RP1: variants seen among roughly 807,000 people sequenced by gnomAD.
RP1 encodes the protein oxygen-regulated protein 1.
RP1 carries 16 observed loss-of-function variants against 14.8 expected under a neutral mutation model. That is an observed-to-expected ratio of 1.08 (90% CI 0.73 to 1.65). The LOEUF is 1.65. Ranked by LOEUF, RP1 falls within the 40% of genes most tolerant of loss-of-function variation. The pLI, the probability that RP1 is intolerant of heterozygous loss-of-function variation, is 0.00. For missense variants in RP1, 2,631 were observed against 2,535.0 expected, an observed-to-expected ratio of 1.04 and a Z score of -0.81; for synonymous variants, 876 against 883.6, an observed-to-expected ratio of 0.99 and a Z score of 0.15.
intron 24 of RP1, among the ~76,000 whole-genome samples, chr8:54,823,894 C>T (rs1811319916): frequency 6.6e-6 from 1 of 152,160 alleles, no homozygotes; most frequent in African/African-American, 2.4e-5. Context: ...ACTATTTTAT[C>T]TCCATCAACA....
At chr8:54,821,993 C>T (rs1811266161) in intron 24 of RP1, among the ~76,000 whole-genome samples, 1 of 152,126 alleles carries the variant, frequency 6.6e-6, no homozygotes, top group South Asian at 2.1e-4. Flanking sequence ...CTTCCATTGG[C>T]TAAGCTGCAA....
At chr8:54,748,706 C>G (rs1809286558) in intron 19 of RP1, among the ~76,000 whole-genome samples, 1 of 152,100 alleles carries the variant, frequency 6.6e-6, no homozygotes, top group Admixed American at 6.5e-5. Context: ...ACATGAGTGC[C>G]CCATCCACCA....
intron 17 of RP1, among the ~76,000 whole-genome samples, chr8:54,731,055 T>A (rs1215310915): frequency 6.6e-6 from 1 of 152,152 alleles, no homozygotes. Flanking sequence ...ATATAGAGGC[T>A]ATAAAATCTG....
In RP1 at chr8:54,790,283, C is replaced by A. The variant is rs143635649; in HGVS notation, c.3615+6573C>A. Among the ~76,000 whole-genome samples the A allele has an allele frequency of 2.6e-5, 4 of 152,298 alleles. No homozygotes were observed. In the East Asian group the frequency reaches 7.7e-4, roughly 29 times the overall value. ...GACCTTAACAGAAAGCATAACCTAC[C>A]TGTGAATGCTACCAGCTGGTCTGTC... On this transcript the variant is annotated intron_variant, in intron 24 of 28. Transcript: ENST00000637698.
intron 19 of RP1, among the ~76,000 whole-genome samples, chr8:54,745,231 T>C (rs994198700): frequency 1.3e-5 from 2 of 152,182 alleles, no homozygotes; most frequent in African/African-American, 2.4e-5. Context: ...AAATGGCACA[T>C]GCTGTCTCTA....
At chr8:54,613,441 G>T (rs539970643), upstream of RP1, among the ~76,000 whole-genome samples, 6 of 152,292 alleles carry the variant, frequency 3.9e-5, no homozygotes, top group African/African-American at 1.2e-4. Flanking sequence ...GCAGGCAGAG[G>T]ATCATTCCTT....
At chr8:54,717,805 T>C (rs1388142492) in intron 15 of RP1, among the ~76,000 whole-genome samples, 1 of 152,090 alleles carries the variant, frequency 6.6e-6, no homozygotes, top group Non-Finnish European at 1.5e-5. Flanking sequence ...AAAACTCTCT[T>C]GGCTCACAGA....
At chr8:54,760,904 C>G (rs1174383758) in intron 22 of RP1, among the ~76,000 whole-genome samples, 1 of 152,138 alleles carries the variant, frequency 6.6e-6, no homozygotes, top group Non-Finnish European at 1.5e-5. Context: ...GTACTCAGAA[C>G]TTAGCACAGC....
intron 27 of RP1, among the ~76,000 whole-genome samples, chr8:54,857,715 T>A (rs961875141): frequency 4.6e-5 from 7 of 152,136 alleles, no homozygotes; most frequent in Admixed American, 3.3e-4. Flanking sequence ...CTGTTGTGTC[T>A]GTCCCTGTGT....
intron 7 of RP1, among the ~76,000 whole-genome samples, chr8:54,670,871 C>G (rs1178135899): frequency 6.6e-6 from 1 of 151,100 alleles, no homozygotes; most frequent in Admixed American, 6.6e-5. Flanking sequence ...TCACTTTCAA[C>G]CTATGTATAT....
At chr8:54,575,351 C>T (rs547666450) in intron 1 of RP1, among the ~76,000 whole-genome samples, 6 of 152,060 alleles carry the variant, frequency 3.9e-5, no homozygotes, top group South Asian at 2.1e-4. Flanking sequence ...ACTGGAAGAA[C>T]AAACAATGTC....
intron 22 of RP1, among the ~76,000 whole-genome samples, chr8:54,761,223 C>A (rs761403929): frequency 1.3e-5 from 2 of 148,540 alleles, no homozygotes; most frequent in African/African-American, 2.5e-5. Flanking sequence ...TCATTTCTTG[C>A]GCTACCTTAC....
At chr8:54,751,513 C>G (rs186967722) in intron 19 of RP1, among the ~76,000 whole-genome samples, 1 of 152,170 alleles carries the variant, frequency 6.6e-6, no homozygotes, top group Non-Finnish European at 1.5e-5. Context: ...GTAAAATAAA[C>G]TTTCTTACTT....
At position 54,665,812 on chromosome 8, in the gene RP1, C is replaced by T. The variant is rs375192670; in HGVS notation, c.1323+1962C>T. ...GACTACTGATTGCTTGTTCTGTCAC[C>T]GCCTGGATGCAAGATAATTAAAAAT... On this transcript the variant is annotated intron_variant, in intron 7 of 22. Coordinates refer to the RP1 transcript ENST00000636932. Among the ~76,000 whole-genome samples the T allele has an allele frequency of 5.9e-5, 9 of 152,146 alleles. No homozygotes were observed. In the East Asian group the frequency reaches 1.2e-3, roughly 20 times the overall value.
intron 12 of RP1, among the ~76,000 whole-genome samples, chr8:54,697,571 A>C (rs754381421): frequency 2.0e-5 from 3 of 152,142 alleles, no homozygotes; most frequent in Non-Finnish European, 2.9e-5. Context: ...AAGAAAAGAA[A>C]AGACAGTAGC....
chr8:54,697,046 G>C, intron 12 of RP1: 2 of 1,548,422 alleles, frequency 1.3e-6, no homozygotes, highest in Non-Finnish European at 1.8e-6. Context: ...GGCCCGTCAC[G>C]CTACCAAAAA....
chr8:54,834,357 A>C lies in RP1; in HGVS notation c.3616-3093A>C, dbSNP rs1021068574. Among the ~76,000 whole-genome samples, 4 of 152,216 alleles carry C rather than the reference A, an allele frequency of 2.6e-5. No homozygotes were observed. In the East Asian group the frequency reaches 7.7e-4, roughly 29 times the overall value. ...GCAGGGAAAAACCCACTAGAACCTG[A>C]GATCACTTAGATTCTTGAAGCCTTT... On this transcript the variant is annotated intron_variant, in intron 24 of 28. Transcript: ENST00000637698.
intron 1 of RP1, among the ~76,000 whole-genome samples, chr8:54,574,485 G>A (rs1316618389): frequency 6.6e-6 from 1 of 152,012 alleles, no homozygotes; most frequent in African/African-American, 2.4e-5. Context: ...ATGGCATTCC[G>A]AGCAGAGGGA....
At chr8:54,729,654 T>C (rs1196244690) in intron 17 of RP1, among the ~76,000 whole-genome samples, 1 of 152,160 alleles carries the variant, frequency 6.6e-6, no homozygotes, top group Admixed American at 6.5e-5. Context: ...GTATATACAC[T>C]TGTAGATTAT....
Sources: allele counts gnomAD v4.1 joint callset (sites outside exome capture counted in the v4.1 genomes callset), GRCh38; gene constraint gnomAD v4.1.1; transcripts MANE v1.5; gene names NCBI Gene and HGNC (gene_info 2026-07-23, HGNC 2026-07-21).